The following POU6F2 variants were observed in gnomAD, a reference collection of about 807,000 sequenced individuals.
POU6F2 encodes the protein POU class 6 homeobox 2.
POU6F2 carries 31 observed loss-of-function variants against 71.3 expected under a neutral mutation model. The ratio of observed to expected loss-of-function variants is 0.43; its 90% confidence interval spans 0.33 to 0.59. The LOEUF is 0.59. Among genes scored for constraint, POU6F2 ranks in the 20% least tolerant of loss-of-function variants. The pLI is 0.04. For synonymous variants in POU6F2, 347 were observed against 355.7 expected, an observed-to-expected ratio of 0.98 and a Z score of 0.27; for missense variants, 783 against 856.8, an observed-to-expected ratio of 0.91 and a Z score of 1.07.
intron 2 of POU6F2, among the ~76,000 whole-genome samples, chr7:39,173,325 A>G (rs1447460878): frequency 1.3e-5 from 2 of 152,198 alleles, no homozygotes; most frequent in Non-Finnish European, 2.9e-5. Context: ...TGGAGTTTCA[A>G]CTAGCTCTGT....
chr7:39,396,953 C>A (rs2115854789), intron 5 of POU6F2, among the ~76,000 whole-genome samples: 1 of 151,908 alleles, frequency 6.6e-6, no homozygotes, highest in East Asian at 1.9e-4. Flanking sequence ...TCCCAAATAA[C>A]CTCAAACCAA....
intron 4 of POU6F2, among the ~76,000 whole-genome samples, chr7:39,279,094 C>T (rs930422721): frequency 1.3e-5 from 2 of 152,178 alleles, no homozygotes; most frequent in Middle Eastern, 3.2e-3. Context: ...GTGTCATGCA[C>T]GGCCATTCAG....
chr7:38,998,016 C>T (rs917403080), intron 1 of POU6F2, among the ~76,000 whole-genome samples: 1 of 152,182 alleles, frequency 6.6e-6, no homozygotes, highest in Non-Finnish European at 1.5e-5. Context: ...TGACTGGTCT[C>T]TAAGCATAAG....
chr7:39,207,280 T>C (rs1398365624), intron 3 of POU6F2, 112 bp from the exon 4 acceptor site: 2 of 965,380 alleles, frequency 2.1e-6, no homozygotes, highest in Non-Finnish European at 3.0e-6. Flanking sequence ...GGCATGTTTT[T>C]TGGTACTTCT....
chr7:39,294,986 A>G (rs6949610), intron 4 of POU6F2, among the ~76,000 whole-genome samples: 69,526 of 151,980 alleles, frequency 0.46, 16,742 homozygotes, highest in Admixed American at 0.59. Context: ...CATTTGGCGA[A>G]TGAAACAGGA....
chr7:39,080,071 C>G (rs1791085440), intron 1 of POU6F2, among the ~76,000 whole-genome samples: 2 of 151,846 alleles, frequency 1.3e-5, no homozygotes, highest in Non-Finnish European at 2.9e-5. Context: ...CGTATACTTA[C>G]GTCAATAAAA....
intron 5 of POU6F2, among the ~76,000 whole-genome samples, chr7:39,390,385 G>A (rs1787043537): frequency 6.6e-6 from 1 of 152,166 alleles, no homozygotes; most frequent in African/African-American, 2.4e-5. Context: ...GGCAAATCAA[G>A]GCTCTGATAA....
At chr7:39,303,280 T>C (rs1275085081) in intron 4 of POU6F2, among the ~76,000 whole-genome samples, 1 of 152,164 alleles carries the variant, frequency 6.6e-6, no homozygotes, top group Non-Finnish European at 1.5e-5. Context: ...CCTGAGTAGC[T>C]GGGACTATAG....
At chr7:39,456,031 G>A (rs1209764417) in intron 8 of POU6F2, among the ~76,000 whole-genome samples, 1 of 152,132 alleles carries the variant, frequency 6.6e-6, no homozygotes, top group Admixed American at 6.5e-5. Flanking sequence ...GTGGACCCTG[G>A]CCATCATTGC....
intron 5 of POU6F2, chr7:39,373,792 T>C: frequency 3.5e-6 from 1 of 283,814 alleles, no homozygotes; most frequent in East Asian, 7.7e-5. Context: ...GGTATCTGTA[T>C]CTGTGTCCTC....
intron 1 of POU6F2, among the ~76,000 whole-genome samples, chr7:39,020,459 G>A (rs141343923): frequency 2.0e-3 from 305 of 152,194 alleles, no homozygotes; most frequent in African/African-American, 7.0e-3. Flanking sequence ...ACAAAGTATG[G>A]GCTAAATGGT....
intron 7 of POU6F2, among the ~76,000 whole-genome samples, chr7:39,439,131 G>C (rs1171119203): frequency 1.3e-5 from 2 of 151,088 alleles, no homozygotes; most frequent in Non-Finnish European, 2.9e-5. Context: ...TGTCTTTTTT[G>C]ATCTTTGCTG....
At chr7:39,365,047 G>T (rs1382343889) in intron 5 of POU6F2, among the ~76,000 whole-genome samples, 3 of 151,900 alleles carry the variant, frequency 2.0e-5, no homozygotes, top group Non-Finnish European at 2.9e-5. Flanking sequence ...TCATATGTTT[G>T]TTGGCCATTT....
chr7:39,263,688 CAA>C (rs1784185857), intron 4 of POU6F2, among the ~76,000 whole-genome samples: 1 of 123,210 alleles, frequency 8.1e-6, no homozygotes, highest in Non-Finnish European at 1.7e-5. Flanking sequence ...CACACACACA[CAA>C]GTCACACGCC....
intron 4 of POU6F2, among the ~76,000 whole-genome samples, chr7:39,279,379 TCA>T (rs1784519246): frequency 6.6e-6 from 1 of 152,220 alleles, no homozygotes. Flanking sequence ...TTTCTGAGCC[TCA>T]GTTTCTGCAT....
intron 5 of POU6F2, among the ~76,000 whole-genome samples, chr7:39,384,444 A>G (rs183433889): frequency 2.1e-3 from 324 of 152,368 alleles, no homozygotes; most frequent in Admixed American, 5.5e-3. Flanking sequence ...AGGGCAACAA[A>G]TGAGTTAAGA....
intron 2 of POU6F2, among the ~76,000 whole-genome samples, chr7:39,141,146 A>G (rs1218149302): frequency 6.6e-6 from 1 of 152,176 alleles, no homozygotes; most frequent in Admixed American, 6.5e-5. Flanking sequence ...CAAGAGGTGC[A>G]ACTGTTTTTG....
intron 4 of POU6F2, among the ~76,000 whole-genome samples, chr7:39,220,525 T>G (rs1454300004): frequency 6.6e-6 from 1 of 152,136 alleles, no homozygotes; most frequent in African/African-American, 2.4e-5. Flanking sequence ...CTGGTAAGAA[T>G]AAGATCTGAG....
chr7:39,262,642 T>C (rs1418102995), intron 4 of POU6F2, among the ~76,000 whole-genome samples: 2 of 152,230 alleles, frequency 1.3e-5, no homozygotes, highest in Non-Finnish European at 2.9e-5. Context: ...TTTAAAGTTA[T>C]TATCTTCAAA....
Sources: allele counts gnomAD v4.1 joint callset (sites outside exome capture counted in the v4.1 genomes callset), GRCh38; gene constraint gnomAD v4.1.1; transcripts MANE v1.5; gene names NCBI Gene and HGNC (gene_info 2026-07-23, HGNC 2026-07-21).